The following JPH3 variants were observed in gnomAD, a reference collection of about 807,000 sequenced individuals.
JPH3 encodes junctophilin-3.
A neutral mutation model predicts 59.6 loss-of-function variants in JPH3; 11 were observed. That is an observed-to-expected ratio of 0.18 (90% CI 0.12 to 0.31). The LOEUF (loss-of-function observed/expected upper bound fraction) is 0.31, where lower values mean the gene tolerates loss of function less well. JPH3 is among the 10% of genes least tolerant of loss of function. The pLI is 1.00. For missense variants in JPH3, 1,202 were observed against 1,105.7 expected (o/e 1.09, Z -1.24); for synonymous variants, 673 against 483.6 (o/e 1.39, Z -5.14).
At chr16:87,625,730 C>CAAGGGCTG (rs1005255519) in intron 1 of JPH3, among the ~76,000 whole-genome samples, 4 of 152,310 alleles carry the variant, frequency 2.6e-5, no homozygotes, top group African/African-American at 9.6e-5. Context: ...GCACAGGGTT[C>CAAGGGCTG]AAGGGCTGAA....
At chr16:87,676,614 A>G (rs1300044099) in intron 2 of JPH3, among the ~76,000 whole-genome samples, 1 of 151,880 alleles carries the variant, frequency 6.6e-6, no homozygotes, top group African/African-American at 2.4e-5. Context: ...CGCGCCTGTA[A>G]TCCCAGCTAC....
At chr16:87,669,306 A>T (rs1345562784) in intron 2 of JPH3, among the ~76,000 whole-genome samples, 1 of 152,154 alleles carries the variant, frequency 6.6e-6, no homozygotes. Context: ...TGAGGCTGAA[A>T]TCCCAGATGG....
At chr16:87,652,345 A>G (rs770248959) in intron 2 of JPH3, among the ~76,000 whole-genome samples, 1 of 152,366 alleles carries the variant, frequency 6.6e-6, no homozygotes, top group Middle Eastern at 3.4e-3. Context: ...AAGATCCTCC[A>G]TTGAAGGCTC....
At chr16:87,621,277 C>G (rs2031175742) in intron 1 of JPH3, among the ~76,000 whole-genome samples, 1 of 152,266 alleles carries the variant, frequency 6.6e-6, no homozygotes, top group Non-Finnish European at 1.5e-5. Context: ...CCCATCTGCT[C>G]TGTGTCGGGA....
chr16:87,665,786 C>T (rs1024768558), intron 2 of JPH3, among the ~76,000 whole-genome samples: 9 of 152,248 alleles, frequency 5.9e-5, no homozygotes, highest in African/African-American at 1.2e-4. Flanking sequence ...GCCCATCCCT[C>T]TCCCTCTTTG....
intron 1 of JPH3, among the ~76,000 whole-genome samples, chr16:87,631,456 C>T (rs1388514889): frequency 1.3e-5 from 2 of 152,176 alleles, no homozygotes; most frequent in Non-Finnish European, 2.9e-5. Flanking sequence ...TCTTGAGAAG[C>T]CCATGCTGTT....
intron 1 of JPH3, among the ~76,000 whole-genome samples, chr16:87,620,807 C>T (rs1314468321): frequency 6.6e-6 from 1 of 152,244 alleles, no homozygotes; most frequent in Non-Finnish European, 1.5e-5. Flanking sequence ...TCCCTGCCCG[C>T]CTGCCTCAGT....
At position 87,668,531 on chromosome 16, in the gene JPH3, A is replaced by T. The variant is rs1013686932; in HGVS notation, c.1161-15611A>T. ...GTCACACTCATCCTGCATCTGTTAC[A>T]CCAAATGCAGTTTCCTCTTCTATAA... On this transcript the variant is annotated intron_variant, in intron 2 of 4. Coordinates refer to ENST00000284262, the MANE Select transcript of JPH3 (RefSeq NM_020655.4). Among the ~76,000 whole-genome samples the T allele has an allele frequency of 1.6e-4, 24 of 152,044 alleles. 1 individual carries two copies. The highest frequency in any genetic ancestry group is 1.8e-4 in the Non-Finnish European group (12 of 68,012).
rs766984776 is a variant in JPH3 at position 87,644,167 on chromosome 16, C to G, written c.383-91C>G. On this transcript the variant is annotated intron_variant, in intron 1 of 4. Coordinates refer to ENST00000284262, the MANE Select transcript of JPH3 (RefSeq NM_020655.4). Reference sequence around the variant, plus strand: ...AACACAAAACAACAGGAAGCTCAGACAGGACTGTGGCTGCTTCAACCCTGT... The same window carrying G: ...AACACAAAACAACAGGAAGCTCAGAGAGGACTGTGGCTGCTTCAACCCTGT... 7 of 1,333,332 alleles carry G rather than the reference C, an allele frequency of 5.3e-6. No individual in the cohort carries two copies. The East Asian group carries it at 1.4e-4, about 26-fold the overall frequency. The allele number at this position is 1,333,332 out of a possible 1,614,324, so 82.6% of individuals were successfully genotyped here.
At chr16:87,663,590 G>C (rs1315500541) in intron 2 of JPH3, among the ~76,000 whole-genome samples, 1 of 152,138 alleles carries the variant, frequency 6.6e-6, no homozygotes, top group African/African-American at 2.4e-5. Flanking sequence ...ACTGCCCCCA[G>C]CTGGCCTGAT....
chr16:87,635,560 C>G (rs567796630), intron 1 of JPH3, among the ~76,000 whole-genome samples: 3 of 152,326 alleles, frequency 2.0e-5, no homozygotes, highest in Non-Finnish European at 2.9e-5. Context: ...CAGCGGATCT[C>G]CGAGCAGGGT....
intron 2 of JPH3, among the ~76,000 whole-genome samples, chr16:87,681,983 C>T (rs1208321186): frequency 6.6e-6 from 1 of 152,108 alleles, no homozygotes; most frequent in African/African-American, 2.4e-5. Flanking sequence ...GGACCCTCTG[C>T]TTGTGGCGGG....
chr16:87,615,476 G>A (rs2030921705), intron 1 of JPH3, among the ~76,000 whole-genome samples: 1 of 152,232 alleles, frequency 6.6e-6, no homozygotes, highest in South Asian at 2.1e-4. Context: ...TTCCTGCCCA[G>A]TGAGTGGGGC....
At chr16:87,681,251 G>T (rs960087662) in intron 2 of JPH3, among the ~76,000 whole-genome samples, 3 of 146,628 alleles carry the variant, frequency 2.0e-5, no homozygotes, top group African/African-American at 7.7e-5. Flanking sequence ...GACAGTTCCA[G>T]AAGGTCACGT....
At chr16:87,649,974 G>A (rs1033630629) in intron 2 of JPH3, among the ~76,000 whole-genome samples, 1 of 152,238 alleles carries the variant, frequency 6.6e-6, no homozygotes, top group African/African-American at 2.4e-5. Flanking sequence ...GTGAAGGGAT[G>A]CCAAGGGGTT....
chr16:87,664,496 G>A (rs999144999), intron 2 of JPH3, among the ~76,000 whole-genome samples: 8 of 151,950 alleles, frequency 5.3e-5, no homozygotes, highest in African/African-American at 1.5e-4. Context: ...GTGGTGGCAT[G>A]CGCCTGTAAT....
At chr16:87,671,039 G>A (rs527510040) in intron 2 of JPH3, among the ~76,000 whole-genome samples, 42 of 152,286 alleles carry the variant, frequency 2.8e-4, no homozygotes, top group African/African-American at 8.2e-4. Context: ...CCGTACAGTC[G>A]CCCGGGACCC....
At chr16:87,649,783 A>AAGGTTCATGGCCC (rs151153247) in intron 2 of JPH3, among the ~76,000 whole-genome samples, 69,900 of 151,398 alleles carry the variant, frequency 0.46, 16,273 homozygotes, top group Non-Finnish European at 0.51. Flanking sequence ...CCCCAGGGTG[A>AAGGTTCATGGCCC]AGGAGACATC....
At chr16:87,605,576 C>T (rs999150364) in intron 1 of JPH3, among the ~76,000 whole-genome samples, 5 of 152,124 alleles carry the variant, frequency 3.3e-5, no homozygotes, top group Admixed American at 1.3e-4. Flanking sequence ...TAGGATCTGA[C>T]GGGTTAAGGG....
Sources: allele counts gnomAD v4.1 joint callset (sites outside exome capture counted in the v4.1 genomes callset), GRCh38; gene constraint gnomAD v4.1.1; transcripts MANE v1.5; gene names NCBI Gene and HGNC (gene_info 2026-07-23, HGNC 2026-07-21).